Variants in MED13L observed in about 807,000 individuals in gnomAD.
MED13L encodes mediator complex subunit 13L, also known as mediator of RNA polymerase II transcription subunit 13-like.
In MED13L, 7 loss-of-function variants were observed where a neutral mutation model predicts 220.9. The observed-to-expected ratio is 0.03, with a 90% CI of 0.02 to 0.06. The LOEUF is 0.06. MED13L is among the 10% of genes least tolerant of loss of function. MED13L has a pLI of 1.00. For synonymous variants in MED13L, 1,011 were observed against 1,015.2 expected (o/e 1.00, Z 0.08); for missense variants, 1,965 against 2,760.5 (o/e 0.71, Z 6.46).
intron 3 of MED13L, among the ~76,000 whole-genome samples, chr12:116,107,831 C>T (rs1332773886): frequency 6.6e-6 from 1 of 152,204 alleles, no homozygotes; most frequent in African/African-American, 2.4e-5. Context: ...GTGGCTCATG[C>T]CTGCAATCCC....
At chr12:116,156,242 A>G (rs1354932760) in intron 2 of MED13L, among the ~76,000 whole-genome samples, 4 of 151,902 alleles carry the variant, frequency 2.6e-5, no homozygotes, top group South Asian at 2.1e-4. Context: ...CATATGATGA[A>G]TGTCTCCAGC....
chr12:116,134,703 A>C (rs898216555), intron 2 of MED13L, among the ~76,000 whole-genome samples: 4 of 152,216 alleles, frequency 2.6e-5, no homozygotes, highest in Admixed American at 1.3e-4. Flanking sequence ...TTTACCTAAA[A>C]GACAACATGT....
chr12:116,006,059 G>A (rs1879026195), intron 12 of MED13L, 66 bp from the exon 13 acceptor site: 2 of 1,594,368 alleles, frequency 1.3e-6, no homozygotes, highest in South Asian at 2.2e-5. Context: ...GTAGGGAGAG[G>A]ACACGGATCT....
chr12:116,224,583 T>G (rs558863282), intron 2 of MED13L, among the ~76,000 whole-genome samples: 1 of 152,230 alleles, frequency 6.6e-6, no homozygotes, highest in Non-Finnish European at 1.5e-5. Context: ...CCTAAAATAA[T>G]AGAGGCTCAA....
intron 2 of MED13L, among the ~76,000 whole-genome samples, chr12:116,155,406 G>A (rs902141321): frequency 7.2e-5 from 11 of 152,268 alleles, no homozygotes; most frequent in Middle Eastern, 6.8e-3. Flanking sequence ...CTGAGTGACA[G>A]AGCAAGACTC....
chr12:115,982,209 A>T, intron 22 of MED13L, 175 bp downstream of exon 22: 1 of 647,418 alleles, frequency 1.5e-6, no homozygotes, highest in Non-Finnish European at 2.7e-6. Context: ...CTCCCATTAT[A>T]TATATGCAAA....
intron 4 of MED13L, among the ~76,000 whole-genome samples, chr12:116,083,278 C>T (rs930059774): frequency 2.0e-5 from 3 of 151,824 alleles, no homozygotes; most frequent in Non-Finnish European, 2.9e-5. Context: ...GTGGTACATG[C>T]CTATAATCCC....
rs550834546 is a variant in MED13L at position 116,224,490 on chromosome 12, G to A, written c.310+12978C>T. ...TTTCTACCCTTTAACAATGCTCTGT[G>A]TGTATATACTCTCTCTTCTACTAGG... On this transcript the variant is annotated intron_variant, in intron 2 of 30. Transcript: ENST00000281928. 2.6e-5 allele frequency among the ~76,000 whole-genome samples: 4 copies of A among 152,278 alleles called. No individual in the cohort carries two copies. The South Asian group carries it at 8.3e-4, about 32-fold the overall frequency.
intron 2 of MED13L, among the ~76,000 whole-genome samples, chr12:116,113,883 A>G (rs1338422014): frequency 1.3e-5 from 2 of 148,642 alleles, no homozygotes; most frequent in East Asian, 2.0e-4. Context: ...GAAGGGGGAG[A>G]TCGATCAAGA....
intron 25 of MED13L, among the ~76,000 whole-genome samples, chr12:115,973,669 T>C (rs569360548): frequency 9.9e-4 from 151 of 152,224 alleles, no homozygotes; most frequent in African/African-American, 3.5e-3. Context: ...AGAAATAAGA[T>C]TGACTAAAAA....
At chr12:116,006,264 T>C in intron 12 of MED13L, 42 bp downstream of exon 12, 1 of 1,555,374 alleles carries the variant, frequency 6.4e-7, no homozygotes, top group African/African-American at 1.4e-5. Context: ...TGCATTTCAT[T>C]TTAGCAACAA....
At chr12:116,142,754 T>C (rs1179613833) in intron 2 of MED13L, among the ~76,000 whole-genome samples, 2 of 152,170 alleles carry the variant, frequency 1.3e-5, no homozygotes, top group Non-Finnish European at 2.9e-5. Context: ...GCACAATTGA[T>C]GTATGTGTGC....
intron 9 of MED13L, among the ~76,000 whole-genome samples, chr12:116,011,351 AAAC>A (rs1359024184): frequency 6.6e-6 from 1 of 152,250 alleles, no homozygotes; most frequent in Admixed American, 6.5e-5. Flanking sequence ...TAATTCCAGA[AAAC>A]AAAAAGCAAA....
chr12:116,021,327 C>A (rs1436078408), intron 5 of MED13L, among the ~76,000 whole-genome samples: 1 of 152,058 alleles, frequency 6.6e-6, no homozygotes, highest in African/African-American at 2.4e-5. Context: ...CTGTTATTAC[C>A]ATAACTAAAT....
intron 2 of MED13L, among the ~76,000 whole-genome samples, chr12:116,125,311 C>A (rs1033204628): frequency 1.3e-5 from 2 of 152,160 alleles, no homozygotes; most frequent in Non-Finnish European, 2.9e-5. Context: ...CTCAATCAAT[C>A]AATCAATCAA....
intron 4 of MED13L, among the ~76,000 whole-genome samples, chr12:116,084,644 G>A (rs990785416): frequency 1.3e-5 from 2 of 152,026 alleles, no homozygotes; most frequent in Non-Finnish European, 2.9e-5. Flanking sequence ...AATTAGCCGG[G>A]CGTGGTGGCA....
chr12:116,243,624 C>T (rs919971785), intron 1 of MED13L, among the ~76,000 whole-genome samples: 2 of 151,838 alleles, frequency 1.3e-5, no homozygotes, highest in African/African-American at 4.8e-5. Context: ...AACTAGATCC[C>T]TTGTGACCAA....
At chr12:116,000,170 A>G (rs1415473787) in intron 14 of MED13L, among the ~76,000 whole-genome samples, 2 of 152,206 alleles carry the variant, frequency 1.3e-5, no homozygotes, top group African/African-American at 2.4e-5. Flanking sequence ...ACTTTCTGAA[A>G]ATATATGACC....
intron 1 of MED13L, among the ~76,000 whole-genome samples, chr12:116,252,772 G>A (rs1277345267): frequency 1.3e-5 from 2 of 151,988 alleles, no homozygotes; most frequent in Non-Finnish European, 2.9e-5. Context: ...GACTAATCAA[G>A]AGGGAAAGAA....
Sources: gnomAD v4.1 joint callset for allele counts (sites outside exome capture counted in the v4.1 genomes callset) on GRCh38, gnomAD v4.1.1 for gene constraint, MANE v1.5 for transcripts, NCBI Gene and HGNC (gene_info 2026-07-23, HGNC 2026-07-21) for gene names.